Variants in GNAI1 observed in about 807,000 individuals in gnomAD.
GNAI1 encodes the protein guanine nucleotide-binding protein G(i) subunit alpha-1.
A neutral mutation model predicts 38.9 loss-of-function variants in GNAI1; 11 were observed. The observed-to-expected ratio is 0.28, with a 90% CI of 0.18 to 0.47. The LOEUF is 0.47. Ranked by LOEUF, GNAI1 falls within the 20% of genes least tolerant of loss-of-function variation. The pLI is 0.99. For synonymous variants in GNAI1, 166 were observed against 145.1 expected, an observed-to-expected ratio of 1.14 and a Z score of -1.04; for missense variants, 317 against 436.9, an observed-to-expected ratio of 0.73 and a Z score of 2.45.
At chr7:80,180,797 C>G (rs907874648) in intron 1 of GNAI1, among the ~76,000 whole-genome samples, 2 of 152,032 alleles carry the variant, frequency 1.3e-5, no homozygotes, top group African/African-American at 4.8e-5. Flanking sequence ...TCTCAAAAGT[C>G]CCTACTTTGA....
At chr7:80,215,113 CACCTAT>C (rs1788938359) in intron 7 of GNAI1, among the ~76,000 whole-genome samples, 1 of 152,124 alleles carries the variant, frequency 6.6e-6, no homozygotes, top group South Asian at 2.1e-4. Flanking sequence ...ACCTGGTTAT[CACCTAT>C]ACTTACCTTT....
chr7:80,210,311 A>T (rs1474044435), intron 5 of GNAI1, among the ~76,000 whole-genome samples: 3 of 152,084 alleles, frequency 2.0e-5, no homozygotes, highest in Non-Finnish European at 4.4e-5. Context: ...AATTTTTTTC[A>T]TTCTAAATTT....
At chr7:80,210,795 T>C (rs3801357) in intron 5 of GNAI1, among the ~76,000 whole-genome samples, 174 bp from the exon 6 acceptor site, 13,714 of 151,628 alleles carry the variant, frequency 0.09, 792 homozygotes, top group South Asian at 0.2. Flanking sequence ...CAGGTTTTTT[T>C]CCCCTTTTGA....
chr7:80,190,638 C>G (rs894676368), intron 3 of GNAI1, among the ~76,000 whole-genome samples: 1 of 151,968 alleles, frequency 6.6e-6, no homozygotes, highest in East Asian at 1.9e-4. Flanking sequence ...AGTAGGGAAC[C>G]ATGCTTAGAT....
At chr7:80,135,780 C>T (rs566711832) in intron 1 of GNAI1, 1 of 983,710 alleles carries the variant, frequency 1.0e-6, no homozygotes, top group South Asian at 4.7e-5. Context: ...TTTGTGGGGC[C>T]TCTGAGATGG....
intron 1 of GNAI1, among the ~76,000 whole-genome samples, chr7:80,170,446 A>G (rs1280143810): frequency 2.0e-5 from 3 of 152,202 alleles, no homozygotes; most frequent in African/African-American, 4.8e-5. Context: ...CAAGTGTACA[A>G]AATCCCTAAT....
rs71518978 is a variant in GNAI1 at position 80,221,636 on chromosome 7, C to CTTTTTTTTTTTTTTTTT, written c.*4152_*4168dup. Among the ~76,000 whole-genome samples the CTTTTTTTTTTTTTTTTT allele has an allele frequency of 1.1e-5, 1 of 94,354 alleles. No homozygotes were observed. Among genetic ancestry groups the CTTTTTTTTTTTTTTTTT allele is most frequent in the African/African-American group, 4.1e-5 (1 of 24,252 alleles). The allele number at this position is 94,354 out of a possible 152,430, so 61.9% of individuals were successfully genotyped here. A position where few individuals can be genotyped will look rare whatever the true frequency, so the allele number is the denominator to read the frequency against. The stretch of plus-strand genomic sequence containing the variant: ...ATTTTAATGTTAGGTTGGAAATTTT[C>CTTTTTTTTTTTTTTTTT]TTTTTTTTTTTTTTTTTTTTTTTTT... On this transcript the variant is annotated 3_prime_UTR_variant, in exon 8 of 8. Transcript: ENST00000649796.
At position 80,221,283 on chromosome 7, in the gene GNAI1, GGTT is replaced by G. The variant is rs1430463902; in HGVS notation, c.*3796_*3798del. Among the ~76,000 whole-genome samples the G allele has an allele frequency of 1.3e-5, 2 of 152,112 alleles. No individual in the cohort carries two copies. The highest frequency in any genetic ancestry group is 2.4e-5 in the African/African-American group (1 of 41,418). On this transcript the variant is annotated 3_prime_UTR_variant, in exon 8 of 8. Transcript: ENST00000649796. ...GATTAAATAATCCATTAATTTTAAT[GGTT>G]GTTGTCAGCATTAAATAAGTTCACA...
intron 1 of GNAI1, among the ~76,000 whole-genome samples, chr7:80,176,186 G>A (rs779375606): frequency 6.6e-6 from 1 of 152,196 alleles, no homozygotes; most frequent in Non-Finnish European, 1.5e-5. Context: ...GAAAGTTTTA[G>A]TGGTCTGGAT....
rs761858891 is a variant in GNAI1 at position 80,189,197 on chromosome 7, G to A, written c.269G>A (p.Arg90Lys). The change falls in exon 3 of 8, where the codon AGG becomes AAG. Residue 90 changes from arginine (R) to lysine (K), a missense_variant. Arg to Lys is a conservative substitution (Grantham distance 26). This residue lies in a region of GNAI1 where 67 missense variants were observed against 61.5 expected (regional missense o/e 1.09). Transcript: ENST00000649796. ...SIIAIIRAMG[R>K]LKIDFGDSAR... ...ATTGCTATCATTAGGGCTATGGGGA[G>A]GTTGAAGATAGACTTTGGTGACTCA... 7 of 1,610,694 alleles carry A rather than the reference G, an allele frequency of 4.3e-6. No individual in the cohort carries two copies. The East Asian group carries it at 1.3e-4, about 31-fold the overall frequency.
intron 1 of GNAI1, among the ~76,000 whole-genome samples, chr7:80,137,509 C>T (rs924601348): frequency 6.6e-6 from 1 of 151,308 alleles, no homozygotes; most frequent in African/African-American, 2.4e-5. Flanking sequence ...TAGTAGAGAC[C>T]GGGTTTCACC....
At chr7:80,149,328 C>T (rs1787685250) in intron 1 of GNAI1, among the ~76,000 whole-genome samples, 1 of 152,052 alleles carries the variant, frequency 6.6e-6, no homozygotes, top group Admixed American at 6.6e-5. Context: ...AAATTTTATG[C>T]ATGTATCATT....
intron 1 of GNAI1, among the ~76,000 whole-genome samples, chr7:80,178,838 G>T (rs1354765185): frequency 6.6e-6 from 1 of 151,994 alleles, no homozygotes; most frequent in African/African-American, 2.4e-5. Flanking sequence ...CATAGAAATC[G>T]TTTCAGATTC....
intron 1 of GNAI1, among the ~76,000 whole-genome samples, chr7:80,159,648 TAAAAA>T (rs2116123987): frequency 6.6e-6 from 1 of 152,326 alleles, no homozygotes; most frequent in Non-Finnish European, 1.5e-5. Context: ...CACTAACATT[TAAAAA>T]TATTCGTTGT....
At chr7:80,185,172 C>T (rs1788367151) in intron 1 of GNAI1, among the ~76,000 whole-genome samples, 1 of 152,072 alleles carries the variant, frequency 6.6e-6, no homozygotes, top group Non-Finnish European at 1.5e-5. Context: ...ATATTGTTTC[C>T]TGCTGAAGCC....
At chr7:80,174,542 A>C (rs2115575695) in intron 1 of GNAI1, among the ~76,000 whole-genome samples, 1 of 151,388 alleles carries the variant, frequency 6.6e-6, no homozygotes, top group African/African-American at 2.4e-5. Flanking sequence ...TTAATTATAA[A>C]TATTTTTTCC....
intron 5 of GNAI1, among the ~76,000 whole-genome samples, chr7:80,206,718 G>A (rs532680273): frequency 6.6e-6 from 1 of 151,908 alleles, no homozygotes; most frequent in Admixed American, 6.6e-5. Flanking sequence ...GAGGGGATAC[G>A]TTCCAAGACC....
chr7:80,204,841 G>A (rs10240914), intron 5 of GNAI1, among the ~76,000 whole-genome samples: 151,871 of 152,318 alleles, frequency 1, 75,712 homozygotes, highest in African/African-American at 1. Context: ...ATAACATCAC[G>A]GGATATTCTA....
In GNAI1 at chr7:80,223,625, T is replaced by C. The variant is rs1482409082; in HGVS notation, c.*6132T>C. Among the ~76,000 whole-genome samples, 2 of 152,176 alleles carry C rather than the reference T, an allele frequency of 1.3e-5. No homozygotes were observed. Among genetic ancestry groups the C allele is most frequent in the African/African-American group, 4.8e-5 (2 of 41,460 alleles). ...TTTGTAGCTTGTGGAATGCGGACTATCCCAGCAGCAAATTCATTAATATGG... is the reference window on the plus strand; with the variant it reads ...TTTGTAGCTTGTGGAATGCGGACTACCCCAGCAGCAAATTCATTAATATGG... On this transcript the variant is annotated 3_prime_UTR_variant, in exon 8 of 8. Coordinates refer to ENST00000649796, the MANE Select transcript of GNAI1 (RefSeq NM_002069.6).
Sources: allele counts gnomAD v4.1 joint callset (sites outside exome capture counted in the v4.1 genomes callset), GRCh38; gene constraint gnomAD v4.1.1; regional missense constraint gnomAD v4.1.1; transcripts MANE v1.5; gene names NCBI Gene and HGNC (gene_info 2026-07-23, HGNC 2026-07-21).